CPNE4: variants seen among roughly 807,000 people sequenced by gnomAD.
CPNE4 encodes copine 4.
A neutral mutation model predicts 67.9 loss-of-function variants in CPNE4; 25 were observed. The ratio of observed to expected loss-of-function variants is 0.37; its 90% CI spans 0.27 to 0.51. CPNE4 has a LOEUF of 0.51. Ranked by LOEUF, CPNE4 falls within the 20% of genes least tolerant of loss-of-function variation. The pLI is 0.93. For synonymous variants in CPNE4, 242 were observed against 244.9 expected, an observed-to-expected ratio of 0.99 and a Z score of 0.11; for missense variants, 464 against 690.8, an observed-to-expected ratio of 0.67 and a Z score of 3.68.
intron 2 of CPNE4, among the ~76,000 whole-genome samples, chr3:131,743,856 G>T (rs548101355): frequency 2.7e-5 from 4 of 149,842 alleles, no homozygotes; most frequent in African/African-American, 4.9e-5. Flanking sequence ...CCAGCTACTC[G>T]GGAGGCTGAG....
chr3:131,897,046 G>T (rs1841535), intron 2 of CPNE4, among the ~76,000 whole-genome samples: 53,627 of 151,852 alleles, frequency 0.35, 10,625 homozygotes, highest in African/African-American at 0.53. Context: ...AGATTAACAT[G>T]AAACACATGG....
At chr3:131,962,625 T>C (rs1263409636) in intron 1 of CPNE4, among the ~76,000 whole-genome samples, 1 of 152,182 alleles carries the variant, frequency 6.6e-6, no homozygotes, top group African/African-American at 2.4e-5. Flanking sequence ...CAAGTACTGT[T>C]ATAAGAACTT....
chr3:131,643,400 C>A (rs1380508272), intron 7 of CPNE4, among the ~76,000 whole-genome samples: 2 of 152,122 alleles, frequency 1.3e-5, no homozygotes, highest in Admixed American at 6.5e-5. Context: ...CCAATTTATC[C>A]CATTTGGATT....
At chr3:131,728,183 C>T (rs529795733) in intron 2 of CPNE4, among the ~76,000 whole-genome samples, 7 of 152,260 alleles carry the variant, frequency 4.6e-5, no homozygotes, top group East Asian at 3.9e-4. Context: ...AGGCTCTTTT[C>T]GTATGCTTAC....
intron 6 of CPNE4, among the ~76,000 whole-genome samples, chr3:131,679,683 T>C (rs1056571789): frequency 1.3e-5 from 2 of 152,180 alleles, no homozygotes; most frequent in African/African-American, 4.8e-5. Context: ...ATTTCATTAT[T>C]TACCCCAAAA....
At chr3:131,678,449 C>T (rs1459448761) in intron 6 of CPNE4, among the ~76,000 whole-genome samples, 1 of 152,118 alleles carries the variant, frequency 6.6e-6, no homozygotes, top group Non-Finnish European at 1.5e-5. Flanking sequence ...CCTGATTGCT[C>T]TGTCAAGAAC....
chr3:131,983,231 T>C (rs947599146), intron 1 of CPNE4, among the ~76,000 whole-genome samples: 2 of 152,136 alleles, frequency 1.3e-5, no homozygotes, highest in African/African-American at 4.8e-5. Context: ...TTATTGAAAA[T>C]TGATGCAATT....
At chr3:131,792,647 G>GTATATATACACACGTGTATATATA (rs2083770140) in intron 2 of CPNE4, among the ~76,000 whole-genome samples, 1 of 43,930 alleles carries the variant, frequency 2.3e-5, no homozygotes, top group Non-Finnish European at 4.7e-5. Context: ...GTGTATATAT[G>GTATATATACACACGTGTATATATA]TATATATACA....
chr3:131,789,815 C>G (rs1483242177), intron 2 of CPNE4, among the ~76,000 whole-genome samples: 1 of 151,790 alleles, frequency 6.6e-6, no homozygotes, highest in African/African-American at 2.4e-5. Flanking sequence ...GAAAAAAAAT[C>G]CCTGCAGAAT....
chr3:131,896,727 C>T (rs577948201), intron 2 of CPNE4, among the ~76,000 whole-genome samples: 11 of 152,160 alleles, frequency 7.2e-5, no homozygotes, highest in African/African-American at 2.2e-4. Flanking sequence ...ATGAAATCCT[C>T]CATTGTACTT....
intron 1 of CPNE4, among the ~76,000 whole-genome samples, chr3:131,917,428 C>T (rs1339844225): frequency 1.3e-5 from 2 of 152,142 alleles, no homozygotes; most frequent in African/African-American, 4.8e-5. Context: ...TCGCTGCAAT[C>T]AGACTCATGA....
intron 1 of CPNE4, among the ~76,000 whole-genome samples, chr3:131,960,933 C>A (rs1412232831): frequency 6.6e-6 from 1 of 152,134 alleles, no homozygotes; most frequent in African/African-American, 2.4e-5. Context: ...CACTGTAAAC[C>A]CTGCTGTCTC....
At chr3:132,006,531 A>C (rs2107671524) in intron 1 of CPNE4, among the ~76,000 whole-genome samples, 1 of 152,256 alleles carries the variant, frequency 6.6e-6, no homozygotes, top group Non-Finnish European at 1.5e-5. Context: ...ATGTTTCCAA[A>C]TCAGGTCTGC....
chr3:131,774,601 C>A (rs1290645087), intron 2 of CPNE4, among the ~76,000 whole-genome samples: 3 of 152,110 alleles, frequency 2.0e-5, no homozygotes, highest in African/African-American at 7.2e-5. Flanking sequence ...AAACCCAGGC[C>A]TGACTGATCA....
intron 15 of CPNE4, among the ~76,000 whole-genome samples, chr3:131,541,246 G>A (rs1481405725): frequency 1.3e-5 from 2 of 152,198 alleles, no homozygotes; most frequent in Non-Finnish European, 2.9e-5. Flanking sequence ...CCCCAAGGGA[G>A]GCTTTTATGA....
At chr3:131,782,963 G>A (rs553155999) in intron 2 of CPNE4, among the ~76,000 whole-genome samples, 1 of 152,112 alleles carries the variant, frequency 6.6e-6, no homozygotes, top group South Asian at 2.1e-4. Context: ...AGTTATAGTT[G>A]TCAAGGAGAC....
At chr3:131,839,091 G>A (rs1270872184) in intron 2 of CPNE4, among the ~76,000 whole-genome samples, 1 of 151,776 alleles carries the variant, frequency 6.6e-6, no homozygotes, top group Non-Finnish European at 1.5e-5. Flanking sequence ...GCCTTAAATA[G>A]TTCATTATCT....
intron 3 of CPNE4, among the ~76,000 whole-genome samples, chr3:131,717,890 C>A (rs1172444345): frequency 3.4e-5 from 2 of 59,594 alleles, no homozygotes; most frequent in Non-Finnish European, 4.7e-5. Context: ...TTCTTTCTTT[C>A]TTTCTTTCTT....
intron 2 of CPNE4, among the ~76,000 whole-genome samples, chr3:131,839,688 G>T (rs535976651): frequency 6.6e-5 from 10 of 151,908 alleles, no homozygotes; most frequent in Non-Finnish European, 1.0e-4. Flanking sequence ...TGTCACACAT[G>T]GGTTTGTCAC....
Sources: allele counts gnomAD v4.1 joint callset (sites outside exome capture counted in the v4.1 genomes callset), GRCh38; gene constraint gnomAD v4.1.1; transcripts MANE v1.5; gene names NCBI Gene and HGNC (gene_info 2026-07-23, HGNC 2026-07-21).